Variants in KIAA1549L observed in about 807,000 individuals in gnomAD.
The protein encoded by KIAA1549L is KIAA1549 like, also known as UPF0606 protein KIAA1549L.
In KIAA1549L, 88 loss-of-function variants were observed where a neutral mutation model predicts 160.7. The ratio of observed to expected loss-of-function variants is 0.55; its 90% CI spans 0.46 to 0.65. The LOEUF is 0.65. Among genes scored for constraint, KIAA1549L ranks in the 30% least tolerant of loss-of-function variants. The probability of loss-of-function intolerance (pLI) is 0.00; values close to 1 mark genes in which losing one functional copy is unlikely to be tolerated. For missense variants in KIAA1549L, 2,258 were observed against 2,437.5 expected (o/e 0.93, Z 1.55); for synonymous variants, 950 against 976.7 (o/e 0.97, Z 0.51).
chr11:33,484,924 T>C (rs1472027839), intron 1 of KIAA1549L, among the ~76,000 whole-genome samples: 8 of 152,254 alleles, frequency 5.3e-5, no homozygotes, highest in Admixed American at 5.2e-4. Context: ...GGTATTCTAA[T>C]CAAGACCATT....
At chr11:33,527,447 A>G (rs1046088205) in intron 1 of KIAA1549L, among the ~76,000 whole-genome samples, 5 of 152,212 alleles carry the variant, frequency 3.3e-5, no homozygotes, top group Non-Finnish European at 7.3e-5. Context: ...TCAACTCAAG[A>G]TGGATCAAGG....
intron 1 of KIAA1549L, among the ~76,000 whole-genome samples, chr11:33,454,282 C>G (rs1399613111): frequency 6.6e-6 from 1 of 152,138 alleles, no homozygotes; most frequent in East Asian, 1.9e-4. Context: ...AGTTCTAGCA[C>G]CCCGAAATTA....
At position 33,465,046 on chromosome 11, in the gene KIAA1549L, CTTTTTTTTTTTT is replaced by C. The variant is rs1008261470; in HGVS notation, c.239-76740_239-76729del. The stretch of plus-strand genomic sequence containing the variant: ...CATTCAACTCGCATGGGACCTTCTT[CTTTTTTTTTTTT>C]TTTTTTTTTTTTTTTGAGACAGAGT... On this transcript the variant is annotated intron_variant, in intron 1 of 20. Coordinates refer to ENST00000658780, the MANE Select transcript of KIAA1549L (RefSeq NM_012194.3). Among the ~76,000 whole-genome samples the C allele has an allele frequency of 4.8e-4, 38 of 79,004 alleles. 2 individuals carry two copies. In the South Asian group the frequency reaches 0.018, roughly 36 times the overall value. The allele number at this position is 79,004 out of a possible 152,430, so 51.8% of individuals were successfully genotyped here.
chr11:33,404,073 T>A (rs1850595181), intron 1 of KIAA1549L, among the ~76,000 whole-genome samples: 1 of 152,330 alleles, frequency 6.6e-6, no homozygotes, highest in East Asian at 1.9e-4. Flanking sequence ...GTGTCAGACG[T>A]CTGACATGGC....
intron 1 of KIAA1549L, among the ~76,000 whole-genome samples, chr11:33,528,216 CTA>C (rs1853658450): frequency 6.6e-6 from 1 of 152,134 alleles, no homozygotes; most frequent in African/African-American, 2.4e-5. Context: ...GGCCAACAAA[CTA>C]TGAAAAAATG....
chr11:33,612,088 G>A (rs569562275), intron 15 of KIAA1549L, among the ~76,000 whole-genome samples: 1 of 152,306 alleles, frequency 6.6e-6, no homozygotes, highest in Admixed American at 6.5e-5. Context: ...TTTTTGACCA[G>A]TTAAGGGGAA....
intron 13 of KIAA1549L, among the ~76,000 whole-genome samples, chr11:33,605,123 G>A (rs1026052633): frequency 6.6e-6 from 1 of 152,068 alleles, no homozygotes; most frequent in Non-Finnish European, 1.5e-5. Context: ...TAAGTGATCC[G>A]AGAGAGAGCA....
In KIAA1549L at chr11:33,583,302, GC is replaced by G. The variant is rs200232564; in HGVS notation, c.4403-35del. 2.5e-3 allele frequency: 3,895 copies of G among 1,574,508 alleles called. 64 individuals are homozygous for G. The African/African-American group carries it at 0.032, about 13-fold the overall frequency. ...GGGTTGCTTTCCTCTTCCCAGTGTT[GC>G]TTGTCATGTCCCTCCTGCTGGCTCT... On this transcript the variant is annotated intron_variant, in intron 10 of 20. Transcript: ENST00000658780.
intron 9 of KIAA1549L, among the ~76,000 whole-genome samples, chr11:33,571,522 CT>C (rs1395305303): frequency 6.6e-6 from 1 of 152,130 alleles, no homozygotes; most frequent in East Asian, 1.9e-4. Context: ...TTAGCATCTG[CT>C]TCTGGAAAGG....
intron 1 of KIAA1549L, among the ~76,000 whole-genome samples, chr11:33,419,677 C>T (rs896264092): frequency 6.6e-6 from 1 of 152,024 alleles, no homozygotes; most frequent in African/African-American, 2.4e-5. Flanking sequence ...GAAACCCCAT[C>T]TCCACTAAAA....
At chr11:33,600,985 T>C (rs1208880667) in intron 13 of KIAA1549L, among the ~76,000 whole-genome samples, 1 of 152,154 alleles carries the variant, frequency 6.6e-6, no homozygotes, top group South Asian at 2.1e-4. Context: ...ATGTCCCTGC[T>C]GACCTTGCCC....
intron 15 of KIAA1549L, among the ~76,000 whole-genome samples, chr11:33,614,562 ATATATATATATATATATATATATTTTT>A (rs1850746144): frequency 2.4e-4 from 3 of 12,648 alleles, no homozygotes; most frequent in African/African-American, 1.5e-3. Flanking sequence ...ATATATATAT[ATATATATATATATATATATATATTTTT>A]TTTTTTTTTT....
chr11:33,597,652 A>G (rs1803808091), intron 12 of KIAA1549L, among the ~76,000 whole-genome samples: 1 of 152,206 alleles, frequency 6.6e-6, no homozygotes, highest in African/African-American at 2.4e-5. Context: ...TTCTGAGGCC[A>G]GAGGCAGCAT....
chr11:33,568,909 A>G (rs2133234972), intron 9 of KIAA1549L, among the ~76,000 whole-genome samples: 1 of 152,334 alleles, frequency 6.6e-6, no homozygotes, highest in African/African-American at 2.4e-5. Flanking sequence ...GAGAATTACC[A>G]GTATTATAAA....
chr11:33,640,893 C>T lies in KIAA1549L; in HGVS notation c.5410-4793C>T, dbSNP rs374862839. ...AGGAAGTCAGAGAAGCAAGTATGGT[C>T]CATTCCAAGTTAAAGAGGTTTAAAA... On this transcript the variant is annotated intron_variant, in intron 16 of 20. Transcript: ENST00000658780. Among the ~76,000 whole-genome samples, 13 of 152,202 alleles carry T rather than the reference C, an allele frequency of 8.5e-5. No homozygotes were observed. In the East Asian group the frequency reaches 9.6e-4, roughly 11 times the overall value.
Position 33,611,157 on chromosome 11 carries a change from T to C in KIAA1549L, c.5279+1191T>C, listed in dbSNP as rs1850637898. Among the ~76,000 whole-genome samples, 13 of 152,308 alleles carry C rather than the reference T, an allele frequency of 8.5e-5. 1 individual carries two copies. The South Asian group carries it at 2.7e-3, about 32-fold the overall frequency. Reference sequence around the variant, plus strand: ...TAGTGAACCCAAACATGTCCACCTTTCTTCCTTTCCCACCTACCTGAAGCA... The same window carrying C: ...TAGTGAACCCAAACATGTCCACCTTCCTTCCTTTCCCACCTACCTGAAGCA... On this transcript the variant is annotated intron_variant, in intron 15 of 20. Transcript: ENST00000658780.
intron 8 of KIAA1549L, among the ~76,000 whole-genome samples, chr11:33,563,368 A>AG (rs1491262125): frequency 5.8e-5 from 8 of 137,072 alleles, no homozygotes; most frequent in Non-Finnish European, 1.1e-4. Context: ...AAAAAAAAAA[A>AG]GAATTGGAAG....
chr11:33,426,240 T>C (rs897456276), intron 1 of KIAA1549L, among the ~76,000 whole-genome samples: 11 of 152,236 alleles, frequency 7.2e-5, no homozygotes, highest in African/African-American at 2.7e-4. Flanking sequence ...TTGAACTCTC[T>C]GCACTCTCTG....
At chr11:33,593,710 C>T (rs1230604790) in intron 12 of KIAA1549L, among the ~76,000 whole-genome samples, 2 of 152,070 alleles carry the variant, frequency 1.3e-5, no homozygotes, top group African/African-American at 4.8e-5. Flanking sequence ...TTGGGGGATA[C>T]TGGAGGAGAA....
Sources: gnomAD v4.1 joint callset for allele counts (sites outside exome capture counted in the v4.1 genomes callset) on GRCh38, gnomAD v4.1.1 for gene constraint, MANE v1.5 for transcripts, NCBI Gene and HGNC (gene_info 2026-07-23, HGNC 2026-07-21) for gene names.